PTGIS: variants seen among roughly 807,000 people sequenced by gnomAD.
PTGIS encodes the protein prostaglandin I2 synthase.
PTGIS carries 45 observed loss-of-function variants against 50.3 expected under a neutral mutation model. That is an observed-to-expected ratio of 0.90 (90% confidence interval 0.70 to 1.15). The LOEUF is 1.15. Among genes scored for constraint, PTGIS ranks in the 50% most tolerant of loss-of-function variants. PTGIS has a pLI of 0.00. For synonymous variants in PTGIS, 260 were observed against 267.7 expected (o/e 0.97, Z 0.28); for missense variants, 668 against 661.3 (o/e 1.01, Z -0.11).
At chr20:49,558,673 T>A (rs1982682588) in intron 1 of PTGIS, among the ~76,000 whole-genome samples, 1 of 151,896 alleles carries the variant, frequency 6.6e-6, no homozygotes, top group Non-Finnish European at 1.5e-5. Context: ...AAAATGAGGC[T>A]GAGACTTGCT....
chr20:49,546,571 A>G (rs1205267426), intron 3 of PTGIS, among the ~76,000 whole-genome samples: 1 of 152,220 alleles, frequency 6.6e-6, no homozygotes, highest in African/African-American at 2.4e-5. Context: ...GCAGGGGCGG[A>G]CACAGGGTCT....
chr20:49,560,113 T>G (rs191572855), intron 1 of PTGIS, among the ~76,000 whole-genome samples: 3 of 151,658 alleles, frequency 2.0e-5, no homozygotes, highest in Non-Finnish European at 2.9e-5. Context: ...TTAGTAGAGA[T>G]GGGTTTCACC....
intron 5 of PTGIS, among the ~76,000 whole-genome samples, chr20:49,538,557 T>A (rs896445417): frequency 2.0e-5 from 3 of 152,068 alleles, no homozygotes; most frequent in Admixed American, 2.0e-4. Context: ...AGCTGAAGAA[T>A]AGGCAAAACT....
chr20:49,510,965 G>T, intron 9 of PTGIS, 63 bp downstream of exon 9: 1 of 1,528,110 alleles, frequency 6.5e-7, no homozygotes, highest in Non-Finnish European at 9.1e-7. Flanking sequence ...TCCCAGGAGA[G>T]AAGGGCGCCT....
At chr20:49,567,845 T>G (rs553433231) in intron 1 of PTGIS, among the ~76,000 whole-genome samples, 198 bp downstream of exon 1, 37 of 152,278 alleles carry the variant, frequency 2.4e-4, no homozygotes, top group Admixed American at 2.2e-3. Flanking sequence ...TTGCACCTTC[T>G]TGGCAGGGGG....
chr20:49,555,478 T>C (rs1765115604), intron 1 of PTGIS, among the ~76,000 whole-genome samples: 1 of 152,196 alleles, frequency 6.6e-6, no homozygotes. Flanking sequence ...TTAGGTCCTC[T>C]GAAGTCCAAA....
chr20:49,511,444 A>G (rs1343632013), intron 8 of PTGIS, among the ~76,000 whole-genome samples: 1 of 152,254 alleles, frequency 6.6e-6, no homozygotes, highest in African/African-American at 2.4e-5. Context: ...ACACACACCA[A>G]TCTTTTCATG....
At chr20:49,559,094 T>C (rs6019898) in intron 1 of PTGIS, among the ~76,000 whole-genome samples, 2,104 of 152,220 alleles carry the variant, frequency 0.014, 57 homozygotes, top group African/African-American at 0.046. Flanking sequence ...GACCCAAGAC[T>C]TAACAGATCC....
chr20:49,549,999 C>T, intron 2 of PTGIS, 67 bp downstream of exon 2: 1 of 1,612,878 alleles, frequency 6.2e-7, no homozygotes, highest in Non-Finnish European at 8.5e-7. Context: ...TTGAAGGAAT[C>T]AACAGAAACC....
chr20:49,564,623 A>G (rs1395379772), intron 1 of PTGIS, among the ~76,000 whole-genome samples: 1 of 152,186 alleles, frequency 6.6e-6, no homozygotes, highest in Non-Finnish European at 1.5e-5. Flanking sequence ...TTCTTACCGT[A>G]TTCTTTTTCT....
In PTGIS at chr20:49,507,304, AC is replaced by A. The variant is rs1336850590; in HGVS notation, c.*615del. Reference sequence around the variant, plus strand: ...TGTTTGGAGGGTGCCCCTGTTCTGCACCGGGAATGCATCAGCCTTGGGGGAA... The same window carrying A: ...TGTTTGGAGGGTGCCCCTGTTCTGCACGGGAATGCATCAGCCTTGGGGGAA... On this transcript the variant is annotated 3_prime_UTR_variant, in exon 10 of 10. Transcript: ENST00000244043. 9 of 178,774 alleles carry A rather than the reference AC, an allele frequency of 5.0e-5. No individual in the cohort carries two copies. Among genetic ancestry groups the A allele is most frequent in the Admixed American group, 4.9e-4 (9 of 18,556 alleles). The allele number at this position is 178,774 out of a possible 1,614,324, so 11.1% of individuals were successfully genotyped here.
intron 1 of PTGIS, among the ~76,000 whole-genome samples, chr20:49,560,631 C>A (rs1050683968): frequency 6.6e-6 from 1 of 152,138 alleles, no homozygotes; most frequent in Admixed American, 6.5e-5. Context: ...GGAGATGCCA[C>A]GTGAGCAAAG....
At chr20:49,526,024 C>T (rs1981786978) in intron 5 of PTGIS, among the ~76,000 whole-genome samples, 1 of 152,206 alleles carries the variant, frequency 6.6e-6, no homozygotes, top group African/African-American at 2.4e-5. Flanking sequence ...TTTCGGGTGA[C>T]ATTTCAATGT....
chr20:49,562,229 A>G (rs1489120159), intron 1 of PTGIS, among the ~76,000 whole-genome samples: 1 of 152,092 alleles, frequency 6.6e-6, no homozygotes, highest in Non-Finnish European at 1.5e-5. Flanking sequence ...TATTCCAGAG[A>G]CCTACTCAAA....
At chr20:49,566,243 A>G (rs1356403681) in intron 1 of PTGIS, among the ~76,000 whole-genome samples, 1 of 152,154 alleles carries the variant, frequency 6.6e-6, no homozygotes, top group African/African-American at 2.4e-5. Flanking sequence ...ACAAACAAAC[A>G]AACAAAAAAA....
chr20:49,539,466 T>A (rs2122876307), intron 5 of PTGIS, 104 bp downstream of exon 5: 1 of 1,333,392 alleles, frequency 7.5e-7, no homozygotes, highest in East Asian at 2.5e-5. Context: ...GGGCATTGGA[T>A]GTCTTTCTGC....
rs773236507 is a variant in PTGIS at position 49,511,153 on chromosome 20, G to T, written c.1233C>A (p.Asn411Lys). ...AGTCTTTCTTCTCTGATCCGTCAGG[G>T]TTCAGGAATCGGTTGTATTTAAATA... The part of the protein sequence containing the change: ...PEVFKYNRFL[N>K]PDGSEKKDFY... The change falls in exon 9 of 10, where the codon AAC becomes AAA. Residue 411 changes from asparagine (N) to lysine (K), a missense_variant. Asn to Lys is a moderately conservative substitution (Grantham distance 94, BLOSUM62 0). Coordinates refer to ENST00000244043, the MANE Select transcript of PTGIS (RefSeq NM_000961.4). 1 of 1,614,202 alleles carries T rather than the reference G, an allele frequency of 6.2e-7. No homozygotes were observed. Among genetic ancestry groups the T allele is most frequent in the Admixed American group, 1.7e-5 (1 of 60,026 alleles).
chr20:49,522,440 C>T (rs1981674432), intron 6 of PTGIS, among the ~76,000 whole-genome samples: 1 of 151,936 alleles, frequency 6.6e-6, no homozygotes, highest in Non-Finnish European at 1.5e-5. Context: ...GTCCTCCTGA[C>T]CCCCCAAATG....
At chr20:49,558,593 A>G (rs941047889) in intron 1 of PTGIS, among the ~76,000 whole-genome samples, 32 of 152,208 alleles carry the variant, frequency 2.1e-4, no homozygotes, top group African/African-American at 7.7e-4. Flanking sequence ...ACAAATGTAT[A>G]CACTATTATT....
Sources: allele counts gnomAD v4.1 joint callset (sites outside exome capture counted in the v4.1 genomes callset), GRCh38; gene constraint gnomAD v4.1.1; transcripts MANE v1.5; gene names NCBI Gene and HGNC (gene_info 2026-07-23, HGNC 2026-07-21).